ATPSCKMT: variants seen among roughly 807,000 people sequenced by gnomAD.
The protein encoded by ATPSCKMT is ATP synthase c subunit lysine N-methyltransferase.
In ATPSCKMT, 24 loss-of-function variants were observed where a neutral mutation model predicts 24.3. The observed-to-expected ratio is 0.99, with a 90% CI of 0.71 to 1.39. ATPSCKMT has a LOEUF of 1.39. Among genes scored for constraint, ATPSCKMT ranks in the 40% most tolerant of loss-of-function variants. The pLI is 0.00. For missense variants in ATPSCKMT, 311 were observed against 298.4 expected, an observed-to-expected ratio of 1.04 and a Z score of -0.31; for synonymous variants, 95 against 110.5, an observed-to-expected ratio of 0.86 and a Z score of 0.88.
At chr5:10,242,948 A>G (rs1335692711) in intron 1 of ATPSCKMT, among the ~76,000 whole-genome samples, 1 of 152,226 alleles carries the variant, frequency 6.6e-6, no homozygotes, top group Non-Finnish European at 1.5e-5. Context: ...ATATTCAAAA[A>G]TCATGCTGTA....
intron 2 of ATPSCKMT, chr5:10,236,949 C>G (rs967797499): frequency 7.5e-7 from 1 of 1,331,896 alleles, no homozygotes; most frequent in Non-Finnish European, 9.8e-7. Flanking sequence ...TCCACTGCAT[C>G]TCTCCATCAG....
intron 4 of ATPSCKMT, among the ~76,000 whole-genome samples, chr5:10,234,980 G>A (rs1372077866): frequency 6.6e-6 from 1 of 152,218 alleles, no homozygotes; most frequent in African/African-American, 2.4e-5. Context: ...AAGGCTTAGG[G>A]AAATCATTGA....
intron 1 of ATPSCKMT, chr5:10,249,586 C>CTTAA (rs1367149770): frequency 1.5e-5 from 7 of 457,154 alleles, no homozygotes; most frequent in Non-Finnish European, 1.5e-5. Flanking sequence ...ATCCCTATTC[C>CTTAA]TTAAGATCGT....
In ATPSCKMT at chr5:10,244,800, T is replaced by C. The variant is rs141584705; in HGVS notation, c.16+5058A>G. Among the ~76,000 whole-genome samples the C allele has an allele frequency of 9.0e-3, 1,368 of 151,594 alleles. 12 individuals are homozygous for C. The highest frequency in any genetic ancestry group is 0.016 in the Non-Finnish European group (1,093 of 67,912). ...GCATGCACTTGTAGTCCCAGCTTTTTGGGAGGCTGAAGCAGGAGGATCGCT... is the reference window on the plus strand; with the variant it reads ...GCATGCACTTGTAGTCCCAGCTTTTCGGGAGGCTGAAGCAGGAGGATCGCT... On this transcript the variant is annotated intron_variant, in intron 1 of 4. Transcript: ENST00000511437.
intron 4 of ATPSCKMT, among the ~76,000 whole-genome samples, chr5:10,232,620 G>C (rs543598164): frequency 6.6e-6 from 1 of 152,240 alleles, no homozygotes; most frequent in Admixed American, 6.5e-5. Context: ...GCTGTTCGAC[G>C]AAGTCCAGAG....
intron 2 of ATPSCKMT, 143 bp downstream of exon 2, chr5:10,238,924 A>T: frequency 1.0e-6 from 1 of 975,560 alleles, no homozygotes. Context: ...GTAGTTGAAT[A>T]GTTTGGTCAA....
At chr5:10,242,670 GC>G (rs778323423) in intron 1 of ATPSCKMT, among the ~76,000 whole-genome samples, 5 of 152,156 alleles carry the variant, frequency 3.3e-5, no homozygotes, top group Non-Finnish European at 7.3e-5. Context: ...AATTGACTTT[GC>G]CCAGATCCAT....
intron 1 of ATPSCKMT, among the ~76,000 whole-genome samples, chr5:10,246,135 T>C (rs62362570): frequency 0.017 from 2,513 of 152,044 alleles, 29 homozygotes; most frequent in Non-Finnish European, 0.026. Flanking sequence ...GTCTCAAGAA[T>C]CCCCTATTCT....
In ATPSCKMT at chr5:10,226,116, T is replaced by G. The variant is rs1743866972; in HGVS notation, c.*1325A>C. ...ACAGGTGCTCTCTACACCATCACAC[T>G]GTTTACTTCAGAGAACTCCACACAC... On this transcript the variant is annotated 3_prime_UTR_variant, in exon 5 of 5. Transcript: ENST00000511437. Among the ~76,000 whole-genome samples the G allele has an allele frequency of 6.6e-6, 1 of 152,326 alleles. No individual in the cohort carries two copies. The highest frequency in any genetic ancestry group is 1.5e-5 in the Non-Finnish European group (1 of 68,030).
chr5:10,231,135 T>A (rs1315041523), intron 4 of ATPSCKMT, among the ~76,000 whole-genome samples: 1 of 151,894 alleles, frequency 6.6e-6, no homozygotes, highest in Non-Finnish European at 1.5e-5. Flanking sequence ...GGCCCGGTGG[T>A]CTAAGGTGCT....
intron 1 of ATPSCKMT, among the ~76,000 whole-genome samples, chr5:10,246,594 T>A (rs1338303337): frequency 6.6e-6 from 1 of 152,248 alleles, no homozygotes; most frequent in East Asian, 1.9e-4. Flanking sequence ...CAGTTCTTTA[T>A]TTCTTTTTAT....
intron 4 of ATPSCKMT, among the ~76,000 whole-genome samples, chr5:10,231,608 G>A (rs930599761): frequency 1.3e-5 from 2 of 151,168 alleles, no homozygotes; most frequent in African/African-American, 4.9e-5. Flanking sequence ...GGTCACCTTT[G>A]CAGGGATCCT....
intron 4 of ATPSCKMT, among the ~76,000 whole-genome samples, chr5:10,228,340 G>T (rs746445998): frequency 6.6e-6 from 1 of 152,148 alleles, no homozygotes; most frequent in Non-Finnish European, 1.5e-5. Flanking sequence ...GAAATATCAT[G>T]AAATATTTCA....
chr5:10,238,214 G>A (rs1198534964), intron 2 of ATPSCKMT, among the ~76,000 whole-genome samples: 5 of 152,146 alleles, frequency 3.3e-5, no homozygotes, highest in African/African-American at 7.2e-5. Flanking sequence ...TTCACACCCC[G>A]AACCGTACAC....
chr5:10,248,704 C>T (rs917590391), intron 1 of ATPSCKMT, among the ~76,000 whole-genome samples: 4 of 152,248 alleles, frequency 2.6e-5, no homozygotes, highest in Non-Finnish European at 5.9e-5. Context: ...CAAGTCTGTT[C>T]TTGAGTTTCA....
chr5:10,238,608 G>C (rs764778800), intron 2 of ATPSCKMT, among the ~76,000 whole-genome samples: 2 of 152,218 alleles, frequency 1.3e-5, no homozygotes, highest in Non-Finnish European at 2.9e-5. Context: ...TAAAAAGACT[G>C]ATCTTCGGCT....
At chr5:10,230,595 T>C (rs951446912) in intron 4 of ATPSCKMT, among the ~76,000 whole-genome samples, 9 of 152,212 alleles carry the variant, frequency 5.9e-5, no homozygotes, top group Admixed American at 2.0e-4. Flanking sequence ...GTGTCATGTC[T>C]GCGTAAAGGA....
chr5:10,240,553 T>A (rs1160763531), intron 1 of ATPSCKMT, among the ~76,000 whole-genome samples: 1 of 152,196 alleles, frequency 6.6e-6, no homozygotes, highest in Non-Finnish European at 1.5e-5. Flanking sequence ...TTGCTGAGCC[T>A]GTTTTCTCAT....
rs1278212498 is a variant in ATPSCKMT, at chr5:10,227,475, G to T, written c.668C>A (p.Thr223Lys). The T allele has an allele frequency of 1.2e-6, 2 of 1,614,084 alleles. No individual in the cohort carries two copies. The highest frequency in any genetic ancestry group is 1.6e-4 in the Middle Eastern group (1 of 6,082). The stretch of plus-strand genomic sequence containing the variant: ...AATGGGCAGCTGGAAATGCATCGAT[G>T]TACAGGGCCTCTTTTCACGGCCTCT... ...TFRGREKRPC[T>K]SMHFQLPIQA Residue 223 changes from threonine to lysine, a missense_variant, in exon 5 of 5, where the codon ACA becomes AAA. Physicochemically the swap from Thr to Lys is moderately conservative, Grantham distance 78. Coordinates refer to ENST00000511437, the MANE Select transcript of ATPSCKMT (RefSeq NM_199133.4).
Sources: allele counts gnomAD v4.1 joint callset (sites outside exome capture counted in the v4.1 genomes callset), GRCh38; gene constraint gnomAD v4.1.1; transcripts MANE v1.5; gene names NCBI Gene and HGNC (gene_info 2026-07-23, HGNC 2026-07-21).